PLA2G4D: variants seen among roughly 807,000 people sequenced by gnomAD.
PLA2G4D encodes the protein cytosolic phospholipase A2 delta.
A neutral mutation model predicts 94.4 loss-of-function variants in PLA2G4D; 80 were observed. That is an observed-to-expected ratio of 0.85 (90% confidence interval 0.71 to 1.02). PLA2G4D has a LOEUF of 1.02. Ranked by LOEUF, PLA2G4D falls within the 50% of genes least tolerant of loss-of-function variation. The pLI is 0.00. For missense variants in PLA2G4D, 1,050 were observed against 1,034.7 expected (o/e 1.01, Z -0.20); for synonymous variants, 438 against 440.9 (o/e 0.99, Z 0.08).
intron 12 of PLA2G4D, 22 bp downstream of exon 12, chr15:42,080,975 C>G (rs745739490): frequency 6.2e-7 from 1 of 1,611,192 alleles, no homozygotes; most frequent in South Asian, 1.1e-5. Context: ...GTCTCTGCCA[C>G]CCAGTCCCCC....
chr15:42,082,904 G>A (rs1890066500), intron 8 of PLA2G4D, among the ~76,000 whole-genome samples: 2 of 152,288 alleles, frequency 1.3e-5, no homozygotes, highest in South Asian at 2.1e-4. Flanking sequence ...CGGCAGAGGT[G>A]GACGGGTGCC....
At chr15:42,087,773 C>T (rs1890180234) in intron 1 of PLA2G4D, 73 bp from the exon 2 acceptor site, 3 of 1,475,078 alleles carry the variant, frequency 2.0e-6, no homozygotes, top group South Asian at 2.4e-5. Context: ...GCCCGGGCTG[C>T]CGACACCCCT....
At chr15:42,076,916 TC>T (rs1242094975) in intron 13 of PLA2G4D, among the ~76,000 whole-genome samples, 1 of 152,190 alleles carries the variant, frequency 6.6e-6, no homozygotes, top group African/African-American at 2.4e-5. Flanking sequence ...ACAAAATTGT[TC>T]ATGCAAATAA....
chr15:42,094,257 C>G (rs1160045855), intron 1 of PLA2G4D, among the ~76,000 whole-genome samples, 158 bp downstream of exon 1: 1 of 152,116 alleles, frequency 6.6e-6, no homozygotes, highest in African/African-American at 2.4e-5. Context: ...ACGGATGCTG[C>G]TCACCCACCC....
Position 42,083,798 on chromosome 15 carries a change from T to C in PLA2G4D, c.472-19A>G. 6.2e-7 allele frequency: 1 copy of C among 1,613,028 alleles called. No homozygotes were observed. Among genetic ancestry groups the C allele is most frequent in the Non-Finnish European group, 8.5e-7 (1 of 1,179,900 alleles). On this transcript the variant is annotated intron_variant, in intron 6 of 19. Coordinates refer to ENST00000290472, the MANE Select transcript of PLA2G4D (RefSeq NM_178034.4). ...CTCGGGCCTGGGGAAGACCACATCATGGGCAGGGGCCTCTGCAGGGTAAGC... is the reference window on the plus strand; with the variant it reads ...CTCGGGCCTGGGGAAGACCACATCACGGGCAGGGGCCTCTGCAGGGTAAGC...
In PLA2G4D at chr15:42,092,368, C is replaced by G. The variant is rs1050119689; in HGVS notation, c.45+2047G>C. On this transcript the variant is annotated intron_variant, in intron 1 of 19. Coordinates refer to ENST00000290472, the MANE Select transcript of PLA2G4D (RefSeq NM_178034.4). ...ACTTTTGCTTCTTTGGAAAAGCATG[C>G]AACTCTTCCCTCATTGCCCCACGGA... 2.6e-5 allele frequency among the ~76,000 whole-genome samples: 4 copies of G among 152,328 alleles called. No homozygotes were observed. In the South Asian group the frequency reaches 8.3e-4, roughly 32 times the overall value.
At chr15:42,072,204 C>A (rs1273424258) in intron 14 of PLA2G4D, 71 bp downstream of exon 14, 1 of 1,364,480 alleles carries the variant, frequency 7.3e-7, no homozygotes, top group South Asian at 1.3e-5. Flanking sequence ...AGCATGAATT[C>A]TCTGGGGGCT....
chr15:42,092,071 T>C (rs574300944), intron 1 of PLA2G4D, among the ~76,000 whole-genome samples: 3 of 152,300 alleles, frequency 2.0e-5, no homozygotes, highest in African/African-American at 7.2e-5. Context: ...CTTTTATCTC[T>C]TTGTCTTGTG....
chr15:42,086,194 T>TGGGGGGGGGCG lies in PLA2G4D; in HGVS notation c.387+18_387+19insCGCCCCCCCCC. ...GGAAGAAGTGGGGCCCACGGGGACT[T>TGGGGGGGGGCG]CCCCACCCACCCACCCACCTGGGGA... On this transcript the variant is annotated intron_variant, in intron 4 of 19. Coordinates refer to ENST00000290472, the MANE Select transcript of PLA2G4D (RefSeq NM_178034.4). 36 of 1,370,390 alleles carry TGGGGGGGGGCG rather than the reference T, an allele frequency of 2.6e-5. No individual in the cohort carries two copies. The highest frequency in any genetic ancestry group is 3.0e-5 in the South Asian group (2 of 66,866). 84.9% of individuals were successfully genotyped at this position (1,370,390 alleles called of 1,614,324 possible).
At chr15:42,085,205 G>T (rs1466109393) in intron 5 of PLA2G4D, 67 bp from the exon 6 acceptor site, 1 of 1,572,260 alleles carries the variant, frequency 6.4e-7, no homozygotes, top group African/African-American at 1.3e-5. Context: ...GCCCATGTGG[G>T]GTCTCCCTGG....
chr15:42,079,745 A>C lies in PLA2G4D; in HGVS notation c.1109T>G (p.Leu370Arg), dbSNP rs755021428. The C allele has an allele frequency of 6.2e-7, 1 of 1,600,732 alleles. No individual in the cohort carries two copies. Among genetic ancestry groups the C allele is most frequent in the South Asian group, 1.1e-5 (1 of 88,872 alleles). ...ISGSTWTMAH[L>R]YGDPEWSQRD... Reference sequence around the variant, plus strand: ...CTGCGACCACTCAGGGTCCCCGTACAGGTGGGCCATTGTCCTGGAAGAACG... The same window carrying C: ...CTGCGACCACTCAGGGTCCCCGTACCGGTGGGCCATTGTCCTGGAAGAACG... The change falls in exon 13 of 20, where the codon CTG becomes CGG. Residue 370 changes from leucine (L) to arginine (R), a missense_variant. Coordinates refer to ENST00000290472, the MANE Select transcript of PLA2G4D (RefSeq NM_178034.4).
Position 42,086,194 on chromosome 15 carries a change from T to TGGGGGGGGGGGGCCG in PLA2G4D, c.387+18_387+19insCGGCCCCCCCCCCCC. 3 of 1,370,440 alleles carry TGGGGGGGGGGGGCCG rather than the reference T, an allele frequency of 2.2e-6. No individual in the cohort carries two copies. Among genetic ancestry groups the TGGGGGGGGGGGGCCG allele is most frequent in the Non-Finnish European group, 2.9e-6 (3 of 1,043,080 alleles). The allele number at this position is 1,370,440 out of a possible 1,614,324, so 84.9% of individuals were successfully genotyped here. The stretch of plus-strand genomic sequence containing the variant: ...GGAAGAAGTGGGGCCCACGGGGACT[T>TGGGGGGGGGGGGCCG]CCCCACCCACCCACCCACCTGGGGA... On this transcript the variant is annotated intron_variant, in intron 4 of 19. Transcript: ENST00000290472.
chr15:42,070,709 C>G lies in PLA2G4D; in HGVS notation c.2043+8G>C, dbSNP rs765966086. 10 of 1,551,952 alleles carry G rather than the reference C, an allele frequency of 6.4e-6. No homozygotes were observed. The African/African-American group carries it at 1.4e-4, about 21-fold the overall frequency. ...GGCAGAGGGGTTCCCCTGGGGTGAC[C>G]AGGGTACCTCGAAGGGCGCAGATAG... On this transcript the variant is annotated splice_region_variant and intron_variant, in intron 18 of 19. Transcript: ENST00000290472.
rs1474790153 is a variant in PLA2G4D, at chr15:42,070,045, G to T, written c.2094C>A (p.Pro698=). Residue 698 remains proline (P), a synonymous_variant, in exon 19 of 20, where the codon CCC becomes CCA. Coordinates refer to ENST00000290472, the MANE Select transcript of PLA2G4D (RefSeq NM_178034.4). ...GGTCCTGAGGGCTGGGTTCCACCCG[G>T]GGGAAGGGCAGCCCCCGGGCCCGGC... is the stretch of plus-strand genomic sequence containing the variant. The part of the protein sequence containing the change: ...LYCRARGLPF[P]RVEPSPQDQH... 6 of 1,520,934 alleles carry T rather than the reference G, an allele frequency of 3.9e-6. No homozygotes were observed. The highest frequency in any genetic ancestry group is 5.3e-6 in the Non-Finnish European group (6 of 1,134,462). 94.2% of individuals were successfully genotyped at this position (1,520,934 alleles called of 1,614,324 possible).
In PLA2G4D at chr15:42,069,908, C is replaced by T. The variant is rs376117731; in HGVS notation, c.2230+1G>A. 107 of 1,412,736 alleles carry T rather than the reference C, an allele frequency of 7.6e-5. No individual in the cohort carries two copies. The highest frequency in any genetic ancestry group is 9.8e-5 in the Non-Finnish European group (106 of 1,083,496). The allele number at this position is 1,412,736 out of a possible 1,614,324, so 87.5% of individuals were successfully genotyped here. A position where few individuals can be genotyped will look rare whatever the true frequency, so the allele number is the denominator to read the frequency against. Reference sequence around the variant, plus strand: ...TGGGTGCTTGGGAGGGGCTGCCTCACCGGGGGCTGAGTGGTCCTTGAAGGA... The same window carrying T: ...TGGGTGCTTGGGAGGGGCTGCCTCATCGGGGGCTGAGTGGTCCTTGAAGGA... On this transcript the variant is annotated splice_donor_variant, in intron 19 of 19. Transcript: ENST00000290472. LOFTEE classifies it high-confidence loss of function.
chr15:42,085,465 TC>T, intron 5 of PLA2G4D, 25 bp downstream of exon 5: 4 of 1,613,344 alleles, frequency 2.5e-6, no homozygotes, highest in Non-Finnish European at 3.4e-6. Flanking sequence ...CCTGAGACAC[TC>T]CCTGGGCTGT....
chr15:42,086,194 T>TGCCCCCCCCCCCC lies in PLA2G4D; in HGVS notation c.387+18_387+19insGGGGGGGGGGGGC. 6 of 1,370,432 alleles carry TGCCCCCCCCCCCC rather than the reference T, an allele frequency of 4.4e-6. No individual in the cohort carries two copies. Among genetic ancestry groups the TGCCCCCCCCCCCC allele is most frequent in the South Asian group, 3.0e-5 (2 of 66,864 alleles). 84.9% of individuals were successfully genotyped at this position (1,370,432 alleles called of 1,614,324 possible). A position where few individuals can be genotyped will look rare whatever the true frequency, so the allele number is the denominator to read the frequency against. On this transcript the variant is annotated intron_variant, in intron 4 of 19. Transcript: ENST00000290472. ...GGAAGAAGTGGGGCCCACGGGGACT[T>TGCCCCCCCCCCCC]CCCCACCCACCCACCCACCTGGGGA... is the stretch of plus-strand genomic sequence containing the variant.
intron 13 of PLA2G4D, 56 bp from the exon 14 acceptor site, chr15:42,072,448 GGCT>G: frequency 2.8e-6 from 4 of 1,431,816 alleles, no homozygotes; most frequent in East Asian, 2.3e-5. Context: ...TGGAGGCAGT[GGCT>G]CCGCCAGGAC....
chr15:42,073,256 C>A (rs1334717808), intron 13 of PLA2G4D, among the ~76,000 whole-genome samples: 2 of 152,218 alleles, frequency 1.3e-5, no homozygotes, highest in Non-Finnish European at 2.9e-5. Context: ...GCCTTGGCGT[C>A]CCAAAGTGCT....
Sources: gnomAD v4.1 joint callset for allele counts (sites outside exome capture counted in the v4.1 genomes callset) on GRCh38, gnomAD v4.1.1 for gene constraint, MANE v1.5 for transcripts, NCBI Gene and HGNC (gene_info 2026-07-23, HGNC 2026-07-21) for gene names.